SORCS3: variants seen among roughly 807,000 people sequenced by gnomAD.
SORCS3 encodes VPS10 domain-containing receptor SorCS3.
A neutral mutation model predicts 146.3 loss-of-function variants in SORCS3; 57 were observed. The observed-to-expected ratio is 0.39, with a 90% confidence interval of 0.31 to 0.49. The LOEUF is 0.49. SORCS3 is among the 20% of genes least tolerant of loss of function. The pLI is 0.92. For synonymous variants in SORCS3, 653 were observed against 618.5 expected (o/e 1.06, Z -0.83); for missense variants, 1,341 against 1,575.5 (o/e 0.85, Z 2.52).
intron 1 of SORCS3, among the ~76,000 whole-genome samples, chr10:104,738,672 G>C (rs1225903009): frequency 1.3e-5 from 2 of 152,186 alleles, no homozygotes; most frequent in Admixed American, 6.5e-5. Context: ...ACGTGTGACT[G>C]TATATAGAAG....
intron 1 of SORCS3, among the ~76,000 whole-genome samples, chr10:104,693,323 GCATTT>G: frequency 6.6e-6 from 1 of 152,266 alleles, no homozygotes; most frequent in South Asian, 2.1e-4. Context: ...GGGTGAGCTG[GCATTT>G]CAGCAAGCCA....
At chr10:104,677,822 A>G (rs1176536225) in intron 1 of SORCS3, among the ~76,000 whole-genome samples, 2 of 152,176 alleles carry the variant, frequency 1.3e-5, no homozygotes, top group African/African-American at 2.4e-5. Context: ...ATAAATCAAG[A>G]TCATCCATCT....
At chr10:105,003,324 T>C (rs1589588914) in intron 4 of SORCS3, among the ~76,000 whole-genome samples, 1 of 152,134 alleles carries the variant, frequency 6.6e-6, no homozygotes, top group South Asian at 2.1e-4. Flanking sequence ...CTCTTGTTAG[T>C]AGAAAATAGC....
intron 8 of SORCS3, among the ~76,000 whole-genome samples, chr10:105,144,321 G>C (rs995159908): frequency 6.6e-6 from 1 of 152,136 alleles, no homozygotes. Flanking sequence ...GGCCACTAGA[G>C]TATGTGATGT....
intron 14 of SORCS3, among the ~76,000 whole-genome samples, chr10:105,186,354 A>G (rs1343788578): frequency 9.2e-5 from 14 of 152,326 alleles, no homozygotes; most frequent in Non-Finnish European, 1.5e-5. Context: ...CATAGCACTG[A>G]ACATAATTGT....
chr10:104,883,975 T>TGGGG (rs146493237), intron 2 of SORCS3, among the ~76,000 whole-genome samples: 7 of 145,554 alleles, frequency 4.8e-5, no homozygotes, highest in African/African-American at 1.6e-4. Flanking sequence ...TGCTGTGGAA[T>TGGGG]GAGGGGGGGG....
chr10:104,735,246 C>T (rs1341630982), intron 1 of SORCS3, among the ~76,000 whole-genome samples: 3 of 152,082 alleles, frequency 2.0e-5, no homozygotes, highest in Non-Finnish European at 4.4e-5. Flanking sequence ...GGCACTTATG[C>T]CAGCCATTCA....
chr10:104,760,003 C>T (rs576617263), intron 1 of SORCS3, among the ~76,000 whole-genome samples: 2 of 152,280 alleles, frequency 1.3e-5, no homozygotes, highest in Non-Finnish European at 2.9e-5. Flanking sequence ...ATACGGGGCC[C>T]AGGGGGGCAA....
At chr10:104,691,024 T>C (rs1406982490) in intron 1 of SORCS3, among the ~76,000 whole-genome samples, 1 of 152,144 alleles carries the variant, frequency 6.6e-6, no homozygotes, top group Non-Finnish European at 1.5e-5. Context: ...TTGCATACTT[T>C]AGGACAGTGT....
At chr10:105,212,949 G>A (rs567849020) in intron 17 of SORCS3, among the ~76,000 whole-genome samples, 1 of 152,118 alleles carries the variant, frequency 6.6e-6, no homozygotes, top group African/African-American at 2.4e-5. Context: ...AGATTTTCTA[G>A]TAGCCACATT....
intron 5 of SORCS3, among the ~76,000 whole-genome samples, chr10:105,081,279 T>A (rs1230312893): frequency 6.6e-6 from 1 of 152,126 alleles, no homozygotes; most frequent in Admixed American, 6.5e-5. Flanking sequence ...GCCCTGGAAA[T>A]AATACTCACA....
intron 3 of SORCS3, among the ~76,000 whole-genome samples, chr10:104,958,324 C>A (rs751395871): frequency 6.6e-6 from 1 of 152,130 alleles, no homozygotes; most frequent in African/African-American, 2.4e-5. Context: ...TGAGCCCTGG[C>A]ATTACTTTTC....
chr10:105,121,316 T>C (rs1210754971), intron 7 of SORCS3, among the ~76,000 whole-genome samples: 1 of 152,226 alleles, frequency 6.6e-6, no homozygotes, highest in Non-Finnish European at 1.5e-5. Context: ...AATAAAACTT[T>C]AATCTTCACA....
intron 7 of SORCS3, among the ~76,000 whole-genome samples, chr10:105,124,366 C>T (rs939186401): frequency 6.6e-6 from 1 of 152,178 alleles, no homozygotes. Context: ...TGAGCAAGAA[C>T]CTAGAACTGT....
At chr10:104,818,283 A>G (rs1255455183) in intron 1 of SORCS3, among the ~76,000 whole-genome samples, 1 of 152,162 alleles carries the variant, frequency 6.6e-6, no homozygotes, top group Non-Finnish European at 1.5e-5. Flanking sequence ...AGTTAAGCCA[A>G]TTGGAATCCC....
chr10:104,818,610 G>T (rs2017835289), intron 1 of SORCS3, among the ~76,000 whole-genome samples: 1 of 152,028 alleles, frequency 6.6e-6, no homozygotes. Flanking sequence ...GCTACTACAG[G>T]ATCCCCTGCT....
At chr10:105,042,373 AATT>A (rs917256992) in intron 4 of SORCS3, among the ~76,000 whole-genome samples, 2 of 152,186 alleles carry the variant, frequency 1.3e-5, no homozygotes, top group Non-Finnish European at 2.9e-5. Flanking sequence ...AACATGGTAG[AATT>A]ATTATTATTA....
intron 14 of SORCS3, among the ~76,000 whole-genome samples, chr10:105,190,596 G>T (rs879775137): frequency 2.0e-5 from 3 of 152,016 alleles, no homozygotes; most frequent in African/African-American, 7.2e-5. Context: ...ACGGGACGGG[G>T]TTTCACCATA....
intron 9 of SORCS3, 64 bp from the exon 10 acceptor site, chr10:105,157,074 G>T (rs747385337): frequency 6.3e-6 from 10 of 1,581,358 alleles, no homozygotes; most frequent in Non-Finnish European, 8.6e-6. Flanking sequence ...TTCTCTAAGG[G>T]CTTCTCCAAG....
Sources: gnomAD v4.1 joint callset for allele counts (sites outside exome capture counted in the v4.1 genomes callset) on GRCh38, gnomAD v4.1.1 for gene constraint, MANE v1.5 for transcripts, NCBI Gene and HGNC (gene_info 2026-07-23, HGNC 2026-07-21) for gene names.